Variants in SEMA3A observed in about 807,000 individuals in gnomAD.
The protein encoded by SEMA3A is semaphorin-3A.
A neutral mutation model predicts 97.9 loss-of-function variants in SEMA3A; 29 were observed. That is an observed-to-expected ratio of 0.30 (90% CI 0.22 to 0.40). The LOEUF (loss-of-function observed/expected upper bound fraction) is 0.40, where lower values mean the gene tolerates loss of function less well. Among genes scored for constraint, SEMA3A ranks in the 10% least tolerant of loss-of-function variants. The probability of loss-of-function intolerance (pLI) is 1.00; values close to 1 mark genes in which losing one functional copy is unlikely to be tolerated. For missense variants in SEMA3A, 763 were observed against 951.3 expected, an observed-to-expected ratio of 0.80 and a Z score of 2.60; for synonymous variants, 321 against 323.7, an observed-to-expected ratio of 0.99 and a Z score of 0.09.
chr7:84,382,927 T>G lies in SEMA3A; in HGVS notation c.-245-11027A>C, dbSNP rs574552396. Among the ~76,000 whole-genome samples the G allele has an allele frequency of 3.9e-5, 6 of 152,024 alleles. No homozygotes were observed. The East Asian group carries it at 5.8e-4, about 15-fold the overall frequency. On this transcript the variant is annotated intron_variant, in intron 1 of 3. Transcript: ENST00000424555. The stretch of plus-strand genomic sequence containing the variant: ...AGTTGTGTATGGATTTCCCATATCA[T>G]AAAAGCTAACTTGTGTTTAGAAAAT...
intron 2 of SEMA3A, among the ~76,000 whole-genome samples, chr7:84,348,568 T>C (rs761258515): frequency 2.0e-5 from 3 of 152,188 alleles, no homozygotes; most frequent in Non-Finnish European, 4.4e-5. Context: ...ATACTGCATG[T>C]TTCCAGTTAC....
intron 1 of SEMA3A, among the ~76,000 whole-genome samples, chr7:84,384,317 G>A (rs1803346655): frequency 6.6e-6 from 1 of 152,118 alleles, no homozygotes; most frequent in South Asian, 2.1e-4. Context: ...TGTGGCTTCT[G>A]AAGAGTAGGA....
chr7:84,001,911 C>T (rs565921424), intron 12 of SEMA3A, 44 bp downstream of exon 12: 8 of 1,337,802 alleles, frequency 6.0e-6, no homozygotes, highest in Admixed American at 3.5e-5. Context: ...GGGGGAAAGA[C>T]GTACAACTGA....
At chr7:84,281,124 G>C (rs891154885) in intron 3 of SEMA3A, among the ~76,000 whole-genome samples, 2 of 152,138 alleles carry the variant, frequency 1.3e-5, no homozygotes, top group African/African-American at 2.4e-5. Flanking sequence ...CATTGCTCCT[G>C]AATTTTGAAA....
At chr7:84,196,445 G>C (rs1288244044), upstream of SEMA3A, among the ~76,000 whole-genome samples, 1 of 152,130 alleles carries the variant, frequency 6.6e-6, no homozygotes, top group Non-Finnish European at 1.5e-5. Flanking sequence ...AGGAGGAAGA[G>C]GAGGATTTAA....
chr7:84,098,316 C>T (rs1001980881), intron 4 of SEMA3A, among the ~76,000 whole-genome samples: 2 of 151,932 alleles, frequency 1.3e-5, no homozygotes, highest in African/African-American at 2.4e-5. Flanking sequence ...ATTAGTGCTA[C>T]AAATCCTAAC....
chr7:84,370,473 A>G (rs1802946595), intron 2 of SEMA3A, among the ~76,000 whole-genome samples: 1 of 151,810 alleles, frequency 6.6e-6, no homozygotes, highest in Non-Finnish European at 1.5e-5. Context: ...ATCATGAATA[A>G]TTTATAATTT....
At chr7:84,041,180 T>G (rs1441645687) in intron 6 of SEMA3A, among the ~76,000 whole-genome samples, 1 of 152,082 alleles carries the variant, frequency 6.6e-6, no homozygotes, top group Non-Finnish European at 1.5e-5. Context: ...TCATATTTCC[T>G]TATTAGTAAT....
chr7:84,238,351 G>A (rs1799282978), intron 3 of SEMA3A, among the ~76,000 whole-genome samples: 1 of 152,126 alleles, frequency 6.6e-6, no homozygotes, highest in African/African-American at 2.4e-5. Context: ...ACAGGTGTGA[G>A]CCATCGTGCC....
chr7:84,013,779 G>A (rs1021198612), intron 7 of SEMA3A, among the ~76,000 whole-genome samples: 25 of 152,090 alleles, frequency 1.6e-4, no homozygotes, highest in African/African-American at 5.1e-4. Context: ...CCAGGGAGGC[G>A]GAGTTTGCAG....
At chr7:84,106,477 A>G (rs1356043017) in intron 4 of SEMA3A, among the ~76,000 whole-genome samples, 1 of 152,138 alleles carries the variant, frequency 6.6e-6, no homozygotes, top group Admixed American at 6.6e-5. Context: ...CAACAGTAAA[A>G]TAGCCTAAGG....
At chr7:84,195,214 A>C (rs572990728), upstream of SEMA3A, 1 of 152,220 alleles carries the variant, frequency 6.6e-6, no homozygotes, top group African/African-American at 2.4e-5. Context: ...CATGCAAAAA[A>C]CATCTCGTAG....
intron 3 of SEMA3A, among the ~76,000 whole-genome samples, chr7:84,305,986 A>G (rs1366349327): frequency 6.6e-6 from 1 of 151,734 alleles, no homozygotes; most frequent in Non-Finnish European, 1.5e-5. Context: ...ATAAATGTAC[A>G]TGTATGTATT....
intron 1 of SEMA3A, among the ~76,000 whole-genome samples, chr7:84,170,103 A>G (rs1326754928): frequency 6.6e-6 from 1 of 151,980 alleles, no homozygotes; most frequent in African/African-American, 2.4e-5. Context: ...GCAAAGATGA[A>G]TGATACTTCA....
chr7:84,332,097 A>G (rs1243745840), intron 2 of SEMA3A, among the ~76,000 whole-genome samples: 2 of 152,066 alleles, frequency 1.3e-5, no homozygotes, highest in Non-Finnish European at 2.9e-5. Context: ...ATTTTTTACC[A>G]TTATTCAGCC....
At chr7:84,370,484 C>T (rs17214004) in intron 2 of SEMA3A, among the ~76,000 whole-genome samples, 10,663 of 151,472 alleles carry the variant, frequency 0.07, 566 homozygotes, top group Non-Finnish European at 0.1. Context: ...TTTATAATTT[C>T]GTGTAAAAGT....
intron 1 of SEMA3A, among the ~76,000 whole-genome samples, chr7:84,155,528 A>G (rs957835367): frequency 6.6e-6 from 1 of 152,132 alleles, no homozygotes; most frequent in African/African-American, 2.4e-5. Flanking sequence ...GTTGGATTAT[A>G]AATTGTGTCA....
chr7:84,459,390 C>T (rs957780442), intron 1 of SEMA3A, among the ~76,000 whole-genome samples: 5 of 152,066 alleles, frequency 3.3e-5, no homozygotes, highest in African/African-American at 1.2e-4. Context: ...CTATAATACA[C>T]CAAAAGTAGT....
At chr7:84,420,991 C>T (rs185214587) in intron 1 of SEMA3A, among the ~76,000 whole-genome samples, 22 of 152,116 alleles carry the variant, frequency 1.4e-4, no homozygotes, top group Admixed American at 1.4e-3. Context: ...CTATCTCCTT[C>T]AGTTCTGCTC....
Sources: gnomAD v4.1 joint callset for allele counts (sites outside exome capture counted in the v4.1 genomes callset) on GRCh38, gnomAD v4.1.1 for gene constraint, MANE v1.5 for transcripts, NCBI Gene and HGNC (gene_info 2026-07-23, HGNC 2026-07-21) for gene names.